The following SLAIN1 variants were observed in gnomAD, a reference collection of about 807,000 sequenced individuals.
SLAIN1 encodes the protein SLAIN family member 1, also known as SLAIN motif-containing protein 1.
Under a neutral mutation model 55.4 loss-of-function variants are expected in SLAIN1, and 17 were observed. The ratio of observed to expected loss-of-function variants is 0.31; its 90% CI spans 0.21 to 0.46. The LOEUF is 0.46. SLAIN1 is among the 20% of genes least tolerant of loss of function. The pLI, the probability that SLAIN1 is intolerant of heterozygous loss-of-function variation, is 1.00. For synonymous variants in SLAIN1, 348 were observed against 337.4 expected (o/e 1.03, Z -0.35); for missense variants, 682 against 785.1 (o/e 0.87, Z 1.57).
intron 4 of SLAIN1, among the ~76,000 whole-genome samples, chr13:77,749,249 C>T (rs2154410618): frequency 6.6e-6 from 1 of 152,132 alleles, no homozygotes; most frequent in Non-Finnish European, 1.5e-5. Flanking sequence ...TCCTACACTG[C>T]CTAGATTTAA....
At chr13:77,756,167 T>G (rs1201726932) in intron 5 of SLAIN1, among the ~76,000 whole-genome samples, 1 of 151,090 alleles carries the variant, frequency 6.6e-6, no homozygotes, top group African/African-American at 2.4e-5. Flanking sequence ...CTCTTATGTG[T>G]TTTTTTTTAA....
At chr13:77,729,272 C>G (rs1190822800) in intron 2 of SLAIN1, among the ~76,000 whole-genome samples, 1 of 152,044 alleles carries the variant, frequency 6.6e-6, no homozygotes, top group Admixed American at 6.6e-5. Flanking sequence ...CTTGTGTTTC[C>G]ATGTGTTTTT....
intron 1 of SLAIN1, among the ~76,000 whole-genome samples, chr13:77,700,704 A>G (rs897136896): frequency 2.6e-5 from 4 of 152,156 alleles, no homozygotes; most frequent in African/African-American, 9.7e-5. Flanking sequence ...GGTCTCAGAA[A>G]TAAGAGTGCT....
At position 77,761,371 on chromosome 13, in the gene SLAIN1, G is replaced by A. The variant is rs891149339; in HGVS notation, c.1697+261G>A. The stretch of plus-strand genomic sequence containing the variant: ...CTTTGCTTTTGCTTTTACCAGATAA[G>A]CTCTGTCTCCAGAGCTTTTGTAGCT... On this transcript the variant is annotated intron_variant, in intron 6 of 6. Coordinates refer to ENST00000418532, the MANE Select transcript of SLAIN1 (RefSeq NM_001242868.2). 5.3e-5 allele frequency among the ~76,000 whole-genome samples: 8 copies of A among 152,100 alleles called. No homozygotes were observed. In the South Asian group the frequency reaches 1.7e-3, roughly 32 times the overall value.
intron 2 of SLAIN1, chr13:77,743,101 T>C (rs1873567406): frequency 2.3e-6 from 3 of 1,303,574 alleles, no homozygotes; most frequent in Non-Finnish European, 3.0e-6. Context: ...CTTATAGCAA[T>C]GGCATTAATA....
rs984668325 is a variant in SLAIN1 at position 77,698,619 on chromosome 13, CG to C, written c.626+85del. Reference sequence around the variant, plus strand: ...CCGGGGAGCGGGGGCGGGGGGCGGACGGGGGTCCCCTCGCGGCAGCCGGGGT... The same window carrying C: ...CCGGGGAGCGGGGGCGGGGGGCGGACGGGGTCCCCTCGCGGCAGCCGGGGT... On this transcript the variant is annotated intron_variant, in intron 1 of 6. Transcript: ENST00000418532. The surrounding 1 kb of genome is among the most constrained non-coding windows in gnomAD (Gnocchi z 4.1). 3.0e-6 allele frequency: 4 copies of C among 1,321,878 alleles called. No homozygotes were observed. The highest frequency in any genetic ancestry group is 1.5e-5 in the African/African-American group (1 of 65,238). The allele number at this position is 1,321,878 out of a possible 1,614,324, so 81.9% of individuals were successfully genotyped here. A position where few individuals can be genotyped will look rare whatever the true frequency, so the allele number is the denominator to read the frequency against.
intron 2 of SLAIN1, among the ~76,000 whole-genome samples, chr13:77,739,295 A>G (rs1338471116): frequency 6.6e-6 from 1 of 152,076 alleles, no homozygotes; most frequent in African/African-American, 2.4e-5. Context: ...AGTAATTTAT[A>G]TGTCAGGATA....
At chr13:77,722,629 A>G (rs1410657624) in intron 2 of SLAIN1, among the ~76,000 whole-genome samples, 1 of 152,076 alleles carries the variant, frequency 6.6e-6, no homozygotes, top group African/African-American at 2.4e-5. Context: ...CCTCACTTCT[A>G]TATTTTTTCT....
intron 1 of SLAIN1, among the ~76,000 whole-genome samples, chr13:77,709,568 C>T (rs1042534665): frequency 6.6e-6 from 1 of 152,156 alleles, no homozygotes. Flanking sequence ...TGTAGAAACC[C>T]TACAAGCCAG....
chr13:77,730,448 T>C (rs1434698532), intron 2 of SLAIN1, among the ~76,000 whole-genome samples: 2 of 152,184 alleles, frequency 1.3e-5, no homozygotes, highest in African/African-American at 4.8e-5. Context: ...TTCTTCTTTT[T>C]CATTAATATC....
intron 2 of SLAIN1, chr13:77,742,684 A>C (rs1277460709): frequency 6.6e-6 from 1 of 152,370 alleles, no homozygotes. Context: ...TTTATATTGC[A>C]AAACACTAAA....
chr13:77,733,611 C>T (rs1379792776), intron 2 of SLAIN1, among the ~76,000 whole-genome samples: 1 of 152,178 alleles, frequency 6.6e-6, no homozygotes, highest in Admixed American at 6.6e-5. Flanking sequence ...TAATGACTAA[C>T]TTACTTTGAT....
intron 6 of SLAIN1, 23 bp from the exon 7 acceptor site, chr13:77,763,122 C>T (rs1875183578): frequency 6.3e-7 from 1 of 1,596,704 alleles, no homozygotes; most frequent in African/African-American, 1.3e-5. Context: ...ATCTCTCTCT[C>T]TGTTTTTCTT....
intron 1 of SLAIN1, among the ~76,000 whole-genome samples, chr13:77,711,954 C>T (rs2091155702): frequency 6.6e-6 from 1 of 152,154 alleles, no homozygotes; most frequent in South Asian, 2.1e-4. Context: ...ATCACATAAA[C>T]AGAACCAATC....
At chr13:77,716,409 A>G (rs369627241) in intron 1 of SLAIN1, among the ~76,000 whole-genome samples, 17 of 151,612 alleles carry the variant, frequency 1.1e-4, no homozygotes, top group African/African-American at 3.9e-4. Context: ...CTACATTTCT[A>G]CAAAAAAGCT....
intron 2 of SLAIN1, among the ~76,000 whole-genome samples, chr13:77,737,384 G>T (rs1272090695): frequency 6.6e-6 from 1 of 151,874 alleles, no homozygotes; most frequent in Non-Finnish European, 1.5e-5. Context: ...TCATTTCTAT[G>T]GCTACTTATG....
chr13:77,757,214 G>T (rs1195287203), intron 5 of SLAIN1, among the ~76,000 whole-genome samples: 2 of 151,992 alleles, frequency 1.3e-5, no homozygotes, highest in Non-Finnish European at 2.9e-5. Flanking sequence ...CAGTAGACTT[G>T]TTACAGTTGC....
At chr13:77,705,023 A>G (rs113589290) in intron 1 of SLAIN1, among the ~76,000 whole-genome samples, 1 of 147,766 alleles carries the variant, frequency 6.8e-6, no homozygotes, top group Admixed American at 6.8e-5. Context: ...TTATATGTAT[A>G]TATACATAGA....
chr13:77,742,993 G>A (rs1219437262), intron 2 of SLAIN1: 1 of 1,262,862 alleles, frequency 7.9e-7, no homozygotes, highest in Non-Finnish European at 1.0e-6. Flanking sequence ...GCTAACTGCT[G>A]CTATTTTCTG....
Sources: gnomAD v4.1 joint callset for allele counts (sites outside exome capture counted in the v4.1 genomes callset) on GRCh38, gnomAD v4.1.1 for gene constraint, Gnocchi (gnomAD v3.1) non-coding constraint, MANE v1.5 for transcripts, NCBI Gene and HGNC (gene_info 2026-07-23, HGNC 2026-07-21) for gene names.